Variants in SLC9A9 observed in about 807,000 individuals in gnomAD.
The protein encoded by SLC9A9 is sodium/hydrogen exchanger 9.
A neutral mutation model predicts 77.8 loss-of-function variants in SLC9A9; 62 were observed. That is an observed-to-expected ratio of 0.80 (90% confidence interval 0.65 to 0.98). SLC9A9 has a LOEUF of 0.98. SLC9A9 is among the 50% of genes least tolerant of loss of function. The pLI, the probability that SLC9A9 is intolerant of heterozygous loss-of-function variation, is 0.00. For synonymous variants in SLC9A9, 320 were observed against 283.5 expected, an observed-to-expected ratio of 1.13 and a Z score of -1.29; for missense variants, 775 against 774.9, an observed-to-expected ratio of 1.00 and a Z score of 0.00.
At position 143,501,112 on chromosome 3, in the gene SLC9A9, A is replaced by G. The variant is rs542280557; in HGVS notation, c.1090-5664T>C. The stretch of plus-strand genomic sequence containing the variant: ...CAGTAATTTTGTACATAATTTTTCA[A>G]TCGGGAAATTTTATAAGAATTGTTT... On this transcript the variant is annotated intron_variant, in intron 9 of 15. Coordinates refer to ENST00000316549, the MANE Select transcript of SLC9A9 (RefSeq NM_173653.4). 4.6e-5 allele frequency among the ~76,000 whole-genome samples: 7 copies of G among 150,774 alleles called. No homozygotes were observed. The South Asian group carries it at 1.2e-3, about 27-fold the overall frequency.
intron 14 of SLC9A9, among the ~76,000 whole-genome samples, chr3:143,303,125 C>T (rs939398256): frequency 5.3e-5 from 8 of 152,230 alleles, no homozygotes; most frequent in Admixed American, 1.3e-4. Flanking sequence ...TCTTACTCCT[C>T]CAGGGCCACT....
intron 4 of SLC9A9, among the ~76,000 whole-genome samples, chr3:143,751,710 A>G (rs2006723150): frequency 6.6e-6 from 1 of 152,220 alleles, no homozygotes; most frequent in African/African-American, 2.4e-5. Flanking sequence ...AAGGGAGCCT[A>G]TCTGTGAGAG....
chr3:143,606,771 C>T (rs2037936011), intron 6 of SLC9A9, among the ~76,000 whole-genome samples: 2 of 150,564 alleles, frequency 1.3e-5, no homozygotes, highest in African/African-American at 4.9e-5. Context: ...GGTTAAAAAA[C>T]AAAAAGATAG....
chr3:143,403,163 A>G (rs1407493533), intron 12 of SLC9A9, among the ~76,000 whole-genome samples: 1 of 152,118 alleles, frequency 6.6e-6, no homozygotes, highest in Non-Finnish European at 1.5e-5. Flanking sequence ...TTAAAAAATT[A>G]AGAGTGAAAA....
At chr3:143,419,985 A>C (rs2034267871) in intron 12 of SLC9A9, among the ~76,000 whole-genome samples, 1 of 152,142 alleles carries the variant, frequency 6.6e-6, no homozygotes, top group African/African-American at 2.4e-5. Flanking sequence ...ACTAAAAGTG[A>C]TATTCTGAGT....
At chr3:143,388,065 TA>T (rs1163256084) in intron 12 of SLC9A9, among the ~76,000 whole-genome samples, 3 of 151,992 alleles carry the variant, frequency 2.0e-5, no homozygotes, top group African/African-American at 7.3e-5. Context: ...TGGCAAAGTG[TA>T]AAAAAATGAC....
chr3:143,582,461 TC>T (rs2037473164), intron 6 of SLC9A9, among the ~76,000 whole-genome samples: 2 of 152,318 alleles, frequency 1.3e-5, no homozygotes, highest in Admixed American at 1.3e-4. Flanking sequence ...GCTGAGAACT[TC>T]CACAAGTCTC....
chr3:143,819,928 T>C (rs2009123099), intron 2 of SLC9A9, among the ~76,000 whole-genome samples: 1 of 152,224 alleles, frequency 6.6e-6, no homozygotes, highest in African/African-American at 2.4e-5. Flanking sequence ...CAAGGCATGT[T>C]ACTTGCCTTA....
chr3:143,370,138 T>C (rs1246050515), intron 13 of SLC9A9, among the ~76,000 whole-genome samples: 1 of 152,238 alleles, frequency 6.6e-6, no homozygotes. Context: ...TAAGCCACTA[T>C]ATTTTAGGAT....
chr3:143,675,457 A>T (rs2039221719), intron 5 of SLC9A9, among the ~76,000 whole-genome samples: 1 of 152,206 alleles, frequency 6.6e-6, no homozygotes, highest in Admixed American at 6.5e-5. Flanking sequence ...AAATTTTCTA[A>T]ATTCAATTAA....
At chr3:143,776,903 C>T (rs2007708930) in intron 4 of SLC9A9, among the ~76,000 whole-genome samples, 1 of 152,086 alleles carries the variant, frequency 6.6e-6, no homozygotes, top group South Asian at 2.1e-4. Flanking sequence ...GTGAACACTT[C>T]CTATCACAAC....
chr3:143,300,599 G>A lies in SLC9A9; in HGVS notation c.1605-31619C>T, dbSNP rs1222980386. ...CATTTCTAAGCAGCTCTCAGGTGAT[G>A]CCTATGCTCCTGATCCACAGAGCTA... On this transcript the variant is annotated intron_variant, in intron 14 of 15. Transcript: ENST00000316549. Among the ~76,000 whole-genome samples the A allele has an allele frequency of 2.0e-5, 3 of 152,342 alleles. No homozygotes were observed. In the East Asian group the frequency reaches 5.8e-4, roughly 29 times the overall value.
intron 6 of SLC9A9, among the ~76,000 whole-genome samples, chr3:143,644,358 AG>A (rs1429026214): frequency 1.3e-5 from 2 of 152,256 alleles, no homozygotes; most frequent in African/African-American, 4.8e-5. Context: ...ACACGAGCAA[AG>A]CAAGTTCTAA....
At chr3:143,516,425 C>T (rs2036203928) in intron 9 of SLC9A9, among the ~76,000 whole-genome samples, 1 of 152,122 alleles carries the variant, frequency 6.6e-6, no homozygotes, top group Non-Finnish European at 1.5e-5. Flanking sequence ...TAACCTCTCA[C>T]ACTGGTATCT....
At chr3:143,732,855 G>C (rs1934840902) in intron 4 of SLC9A9, among the ~76,000 whole-genome samples, 2 of 152,168 alleles carry the variant, frequency 1.3e-5, no homozygotes, top group Non-Finnish European at 2.9e-5. Flanking sequence ...TGGTAAAATA[G>C]AGCATGATTT....
At chr3:143,431,521 C>T (rs1232957619) in intron 12 of SLC9A9, among the ~76,000 whole-genome samples, 3 of 144,976 alleles carry the variant, frequency 2.1e-5, no homozygotes, top group African/African-American at 7.7e-5. Context: ...CTCGCTCTGT[C>T]ACCCAGGCTG....
chr3:143,764,962 TTC>T (rs1428031319), intron 4 of SLC9A9, among the ~76,000 whole-genome samples: 56 of 137,510 alleles, frequency 4.1e-4, no homozygotes, highest in East Asian at 6.3e-4. Context: ...TCCTTTTTGT[TTC>T]TCTTTCTTTC....
chr3:143,364,655 C>T (rs1313223128), intron 13 of SLC9A9, among the ~76,000 whole-genome samples: 4 of 152,120 alleles, frequency 2.6e-5, no homozygotes, highest in African/African-American at 7.2e-5. Context: ...ACCCATGAAA[C>T]GTATGTGTAC....
intron 4 of SLC9A9, among the ~76,000 whole-genome samples, chr3:143,751,975 A>T (rs1278433855): frequency 6.6e-6 from 1 of 152,240 alleles, no homozygotes; most frequent in East Asian, 1.9e-4. Flanking sequence ...CCAACATGGC[A>T]GCTGGGGAGA....
Sources: gnomAD v4.1 joint callset for allele counts (sites outside exome capture counted in the v4.1 genomes callset) on GRCh38, gnomAD v4.1.1 for gene constraint, MANE v1.5 for transcripts, NCBI Gene and HGNC (gene_info 2026-07-23, HGNC 2026-07-21) for gene names.